FHIT: variants seen among roughly 807,000 people sequenced by gnomAD.
The protein encoded by FHIT is bis(5'-adenosyl)-triphosphatase.
A neutral mutation model predicts 17.9 loss-of-function variants in FHIT; 19 were observed. That is an observed-to-expected ratio of 1.06 (90% CI 0.74 to 1.56). The LOEUF is 1.56. Ranked by LOEUF, FHIT falls within the 40% of genes most tolerant of loss-of-function variation. The probability of loss-of-function intolerance (pLI) is 0.00; values close to 1 mark genes in which losing one functional copy is unlikely to be tolerated. For missense variants in FHIT, 248 were observed against 189.2 expected (o/e 1.31, Z -1.82); for synonymous variants, 81 against 69.7 (o/e 1.16, Z -0.81).
chr3:60,364,637 A>G (rs1021794044), intron 5 of FHIT, among the ~76,000 whole-genome samples: 4 of 152,230 alleles, frequency 2.6e-5, no homozygotes, highest in South Asian at 2.1e-4. Flanking sequence ...GGTTCATTCT[A>G]TGTGCCAATT....
chr3:61,008,313 G>C (rs2107617805), intron 3 of FHIT, among the ~76,000 whole-genome samples: 1 of 152,258 alleles, frequency 6.6e-6, no homozygotes, highest in East Asian at 1.9e-4. Context: ...GTGAAAAGAA[G>C]TTCCTAAGAT....
chr3:61,114,166 TTTA>T (rs890304552), intron 2 of FHIT, among the ~76,000 whole-genome samples: 2 of 152,140 alleles, frequency 1.3e-5, no homozygotes, highest in African/African-American at 4.8e-5. Flanking sequence ...TTGTTTCCAG[TTTA>T]TTATTATTAT....
At chr3:61,104,673 G>C (rs888712386) in intron 2 of FHIT, among the ~76,000 whole-genome samples, 1 of 152,122 alleles carries the variant, frequency 6.6e-6, no homozygotes, top group Non-Finnish European at 1.5e-5. Flanking sequence ...TTCCAAATTG[G>C]TTCCATTCTC....
At chr3:60,772,203 TGTGCACACAG>T (rs1559710214) in intron 4 of FHIT, among the ~76,000 whole-genome samples, 1 of 151,810 alleles carries the variant, frequency 6.6e-6, no homozygotes, top group Non-Finnish European at 1.5e-5. Flanking sequence ...GCCCCCATGA[TGTGCACACAG>T]GACTTTGATG....
chr3:60,486,123 A>G (rs567923333), intron 5 of FHIT, among the ~76,000 whole-genome samples: 1 of 152,262 alleles, frequency 6.6e-6, no homozygotes, highest in South Asian at 2.1e-4. Context: ...GTCCACTCTA[A>G]TAGGAACTGA....
chr3:59,804,394 T>C (rs917101043), intron 8 of FHIT, among the ~76,000 whole-genome samples: 1 of 152,218 alleles, frequency 6.6e-6, no homozygotes, highest in African/African-American at 2.4e-5. Context: ...GTACTGCTGT[T>C]ACTGGTAGAG....
At chr3:60,791,995 C>T (rs1343593417) in intron 4 of FHIT, among the ~76,000 whole-genome samples, 2 of 152,216 alleles carry the variant, frequency 1.3e-5, no homozygotes, top group African/African-American at 4.8e-5. Flanking sequence ...TCAGTAGTTA[C>T]TAACAAGTTA....
At chr3:59,774,769 C>A (rs184586760) in intron 8 of FHIT, among the ~76,000 whole-genome samples, 144 of 152,282 alleles carry the variant, frequency 9.5e-4, no homozygotes, top group African/African-American at 3.2e-3. Context: ...AGATTCAATA[C>A]ATATTTGTTG....
intron 5 of FHIT, among the ~76,000 whole-genome samples, chr3:60,373,273 A>C (rs561493659): frequency 3.3e-5 from 5 of 152,292 alleles, no homozygotes; most frequent in Non-Finnish European, 5.9e-5. Flanking sequence ...CTGGGTAAGG[A>C]TAGGGTCAGA....
intron 5 of FHIT, among the ~76,000 whole-genome samples, chr3:60,408,836 G>T (rs866555953): frequency 2.0e-5 from 3 of 152,096 alleles, no homozygotes; most frequent in South Asian, 2.1e-4. Flanking sequence ...TCAGGGAATA[G>T]ACTTTTTTAA....
intron 2 of FHIT, among the ~76,000 whole-genome samples, chr3:61,111,478 T>C (rs1210950974): frequency 1.3e-5 from 2 of 152,160 alleles, no homozygotes; most frequent in Non-Finnish European, 2.9e-5. Flanking sequence ...ATCTATTTGG[T>C]TTCCCAGGAT....
At chr3:61,117,574 A>T (rs190836244) in intron 2 of FHIT, among the ~76,000 whole-genome samples, 1 of 152,328 alleles carries the variant, frequency 6.6e-6, no homozygotes, top group East Asian at 1.9e-4. Context: ...ATACAAAAAG[A>T]TTAAATGCAT....
intron 7 of FHIT, among the ~76,000 whole-genome samples, chr3:59,988,601 A>T (rs1032195053): frequency 6.6e-6 from 1 of 152,068 alleles, no homozygotes; most frequent in African/African-American, 2.4e-5. Flanking sequence ...GTGGGGATAC[A>T]CATGTCCCCT....
intron 4 of FHIT, among the ~76,000 whole-genome samples, chr3:60,760,594 T>C (rs1335565145): frequency 1.4e-5 from 2 of 142,606 alleles, no homozygotes; most frequent in East Asian, 4.0e-4. Flanking sequence ...TCCCGTCAGC[T>C]TAAAACGAAA....
intron 2 of FHIT, among the ~76,000 whole-genome samples, chr3:61,186,369 A>G (rs571549653): frequency 6.6e-6 from 1 of 152,358 alleles, no homozygotes; most frequent in African/African-American, 2.4e-5. Flanking sequence ...CCTGGGCCAC[A>G]GGTGACTCTG....
chr3:61,191,642 C>T (rs1353006978), intron 2 of FHIT, among the ~76,000 whole-genome samples: 1 of 152,090 alleles, frequency 6.6e-6, no homozygotes, highest in Non-Finnish European at 1.5e-5. Context: ...GTGAGATTAT[C>T]CCAGAAAAGA....
chr3:59,858,749 T>C (rs1422855882), intron 8 of FHIT, among the ~76,000 whole-genome samples: 1 of 152,006 alleles, frequency 6.6e-6, no homozygotes, highest in African/African-American at 2.4e-5. Flanking sequence ...AGGCTAATAT[T>C]GAACAAATGA....
chr3:60,232,372 A>G (rs1358109741), intron 5 of FHIT, among the ~76,000 whole-genome samples: 2 of 152,154 alleles, frequency 1.3e-5, no homozygotes, highest in Non-Finnish European at 2.9e-5. Flanking sequence ...TAAGAACAGG[A>G]GCAATTTCTT....
intron 5 of FHIT, among the ~76,000 whole-genome samples, chr3:60,037,013 G>A (rs1300146431): frequency 6.6e-6 from 1 of 152,192 alleles, no homozygotes; most frequent in East Asian, 1.9e-4. Context: ...GAAGAAGGAA[G>A]AAAAGGAGAA....
Sources: allele counts gnomAD v4.1 joint callset (sites outside exome capture counted in the v4.1 genomes callset), GRCh38; gene constraint gnomAD v4.1.1; transcripts MANE v1.5; gene names NCBI Gene and HGNC (gene_info 2026-07-23, HGNC 2026-07-21).